Variants in ROBO2 observed in about 807,000 individuals in gnomAD.
ROBO2 encodes roundabout homolog 2.
In ROBO2, 53 loss-of-function variants were observed where a neutral mutation model predicts 160.8. That is an observed-to-expected ratio of 0.33 (90% CI 0.26 to 0.41). ROBO2 has a LOEUF of 0.41. Ranked by LOEUF, ROBO2 falls within the 10% of genes least tolerant of loss-of-function variation. The pLI is 1.00. For missense variants in ROBO2, 1,577 were observed against 1,722.4 expected, an observed-to-expected ratio of 0.92 and a Z score of 1.49; for synonymous variants, 664 against 611.7, an observed-to-expected ratio of 1.09 and a Z score of -1.26.
At chr3:77,587,087 A>T (rs542604093) in intron 16 of ROBO2, among the ~76,000 whole-genome samples, 2 of 152,188 alleles carry the variant, frequency 1.3e-5, no homozygotes, top group South Asian at 4.1e-4. Context: ...GCTCAGACCA[A>T]TATGGGTCAG....
intron 2 of ROBO2, among the ~76,000 whole-genome samples, chr3:77,470,185 CA>C (rs2083214331): frequency 6.6e-6 from 1 of 152,038 alleles, no homozygotes; most frequent in Non-Finnish European, 1.5e-5. Context: ...TTCCAAACAA[CA>C]TTTGAAATCA....
At chr3:76,621,043 GA>G (rs2089032268) in intron 2 of ROBO2, among the ~76,000 whole-genome samples, 1 of 152,130 alleles carries the variant, frequency 6.6e-6, no homozygotes, top group Admixed American at 6.5e-5. Flanking sequence ...AGGTCACTGA[GA>G]GGGGAAGGGG....
At chr3:76,391,646 C>T (rs1429360857) in intron 2 of ROBO2, among the ~76,000 whole-genome samples, 6 of 152,092 alleles carry the variant, frequency 3.9e-5, no homozygotes, top group Middle Eastern at 3.4e-3. Flanking sequence ...CTCAGGCTCC[C>T]GGACTACAGG....
intron 2 of ROBO2, among the ~76,000 whole-genome samples, chr3:77,193,856 C>A (rs929769370): frequency 6.6e-6 from 1 of 151,870 alleles, no homozygotes; most frequent in Admixed American, 6.6e-5. Context: ...TGAAGCCTAC[C>A]CCCTCCTTTT....
chr3:77,438,600 A>G (rs1342398068), intron 2 of ROBO2, among the ~76,000 whole-genome samples: 1 of 151,814 alleles, frequency 6.6e-6, no homozygotes, highest in Non-Finnish European at 1.5e-5. Flanking sequence ...TGTATATTAC[A>G]TATTAGATTA....
At chr3:77,219,499 A>G (rs1294537947) in intron 2 of ROBO2, among the ~76,000 whole-genome samples, 1 of 143,514 alleles carries the variant, frequency 7.0e-6, no homozygotes, top group African/African-American at 2.5e-5. Context: ...GTATATATAT[A>G]TATATATATA....
At position 77,403,721 on chromosome 3, in the gene ROBO2, G is replaced by T. The variant is rs551834396; in HGVS notation, c.389-73693G>T. Among the ~76,000 whole-genome samples, 4 of 151,590 alleles carry T rather than the reference G, an allele frequency of 2.6e-5. No homozygotes were observed. The South Asian group carries it at 8.4e-4, about 32-fold the overall frequency. ...ACATTAGAGTGCAGATATCTCTTTG[G>T]TATAGTGATTTTGTGATTTTGTTTC... On this transcript the variant is annotated intron_variant, in intron 2 of 25. Coordinates refer to ENST00000461745, the Ensembl canonical transcript of ROBO2.
intron 2 of ROBO2, among the ~76,000 whole-genome samples, chr3:76,780,207 G>GA (rs2062546042): frequency 6.8e-6 from 1 of 146,160 alleles, no homozygotes; most frequent in Admixed American, 6.9e-5. Flanking sequence ...TTGTTTGTTT[G>GA]TTTTTTTTTT....
chr3:77,579,903 C>T (rs184047299), intron 15 of ROBO2, 44 bp from the exon 17 acceptor site: 11 of 1,545,778 alleles, frequency 7.1e-6, no homozygotes, highest in East Asian at 2.2e-5. Context: ...TTACCAGAAA[C>T]GATAATCTTA....
chr3:77,105,801 G>A (rs1434102735), intron 2 of ROBO2, among the ~76,000 whole-genome samples: 1 of 152,072 alleles, frequency 6.6e-6, no homozygotes. Context: ...TGAAGTCATT[G>A]TGTCCTCTAC....
At chr3:75,944,113 A>C (rs1035253666) in intron 2 of ROBO2, among the ~76,000 whole-genome samples, 1 of 152,138 alleles carries the variant, frequency 6.6e-6, no homozygotes, top group African/African-American at 2.4e-5. Context: ...GTAGGAATAG[A>C]ATGGCAGAAG....
intron 2 of ROBO2, among the ~76,000 whole-genome samples, chr3:77,378,948 T>TC (rs2073062007): frequency 2.0e-5 from 3 of 151,686 alleles, no homozygotes; most frequent in Non-Finnish European, 1.5e-5. Context: ...TTCTGTGTCT[T>TC]CTTTTTTTTT....
At chr3:77,648,953 T>C (rs1187882083) in exon 26 of ROBO2, 1 of 152,200 alleles carries the variant, frequency 6.6e-6, no homozygotes, top group Non-Finnish European at 1.5e-5. Context: ...TCATGTCCAA[T>C]ACAAGCACAG....
intron 3 of ROBO2, among the ~76,000 whole-genome samples, chr3:77,479,274 C>T (rs962798236): frequency 6.6e-6 from 1 of 152,174 alleles, no homozygotes; most frequent in Non-Finnish European, 1.5e-5. Context: ...GTTGAACAGT[C>T]TGTCCAGTAG....
intron 2 of ROBO2, among the ~76,000 whole-genome samples, chr3:76,701,700 G>A (rs969685567): frequency 2.0e-5 from 3 of 151,898 alleles, no homozygotes; most frequent in East Asian, 3.9e-4. Flanking sequence ...CTTAAAGAAG[G>A]CTGTTAGATT....
chr3:77,606,404 T>G (rs2094527070), intron 20 of ROBO2, among the ~76,000 whole-genome samples: 1 of 152,222 alleles, frequency 6.6e-6, no homozygotes, highest in South Asian at 2.1e-4. Context: ...GAAACTGGTC[T>G]GTAAACCCAG....
chr3:76,121,479 A>G (rs908478966), intron 2 of ROBO2, among the ~76,000 whole-genome samples: 1 of 152,134 alleles, frequency 6.6e-6, no homozygotes, highest in Non-Finnish European at 1.5e-5. Context: ...ATGTACAGCT[A>G]TTTGTCACTG....
intron 2 of ROBO2, among the ~76,000 whole-genome samples, chr3:77,285,708 T>C (rs1171325088): frequency 1.3e-5 from 2 of 152,200 alleles, no homozygotes; most frequent in Non-Finnish European, 2.9e-5. Context: ...CAAAGTTCTG[T>C]TTGAATTTTA....
rs537841384 is a variant in ROBO2 at position 76,896,026 on chromosome 3, CG to C, written c.110-201985del. ...TGCCTCTGGAATCCTGACCCCACCCCGGGAGCTCAGTTCTTTACTTGCAATA... is the reference window on the plus strand; with the variant it reads ...TGCCTCTGGAATCCTGACCCCACCCCGGAGCTCAGTTCTTTACTTGCAATA... On this transcript the variant is annotated intron_variant, in intron 2 of 26. Coordinates refer to the ROBO2 transcript ENST00000487694. Among the ~76,000 whole-genome samples, 408 of 152,260 alleles carry C rather than the reference CG, an allele frequency of 2.7e-3. 2 individuals carry two copies. The highest frequency in any genetic ancestry group is 9.3e-3 in the African/African-American group (385 of 41,562).
Sources: gnomAD v4.1 joint callset for allele counts (sites outside exome capture counted in the v4.1 genomes callset) on GRCh38, gnomAD v4.1.1 for gene constraint, MANE v1.5 for transcripts, NCBI Gene and HGNC (gene_info 2026-07-23, HGNC 2026-07-21) for gene names.